Variants in MTUS2 observed in about 807,000 individuals in gnomAD.
MTUS2 encodes microtubule associated scaffold protein 2, also known as microtubule-associated tumor suppressor candidate 2.
Under a neutral mutation model 114.1 loss-of-function variants are expected in MTUS2, and 40 were observed. The observed-to-expected ratio is 0.35, with a 90% confidence interval of 0.27 to 0.46. The LOEUF (loss-of-function observed/expected upper bound fraction) is 0.46, where lower values mean the gene tolerates loss of function less well. Ranked by LOEUF, MTUS2 falls within the 20% of genes least tolerant of loss-of-function variation. The probability of loss-of-function intolerance (pLI) is 1.00; values close to 1 mark genes in which losing one functional copy is unlikely to be tolerated. For synonymous variants in MTUS2, 688 were observed against 672.0 expected (o/e 1.02, Z -0.37); for missense variants, 1,679 against 1,705.4 (o/e 0.98, Z 0.27).
In MTUS2 at chr13:29,387,753, T is replaced by C. The variant is rs1872726274; in HGVS notation, c.3117+28280T>C. On this transcript the variant is annotated intron_variant, in intron 8 of 15. Transcript: ENST00000612955. ...ATGGGGGATGTTTGGGGAAGGTGTT[T>C]AGGGAGACCTTGGCTTCAGATTGCT... 2.0e-5 allele frequency among the ~76,000 whole-genome samples: 3 copies of C among 152,118 alleles called. No individual in the cohort carries two copies. The South Asian group carries it at 6.2e-4, about 32-fold the overall frequency.
chr13:29,501,294 A>C (rs1882886974), intron 15 of MTUS2, 100 bp downstream of exon 15: 1 of 868,590 alleles, frequency 1.2e-6, no homozygotes, highest in Non-Finnish European at 1.9e-6. Context: ...GTCTTTCCCC[A>C]CAGTCTCTTG....
At chr13:29,405,743 C>CT (rs35738274) in intron 8 of MTUS2, among the ~76,000 whole-genome samples, 35,261 of 141,660 alleles carry the variant, frequency 0.25, 4,846 homozygotes, top group African/African-American at 0.31. Flanking sequence ...TAATTAACTA[C>CT]TTTTTTTTTT....
chr13:28,861,805 G>A (rs1052133703), intron 2 of MTUS2, among the ~76,000 whole-genome samples: 16 of 152,148 alleles, frequency 1.1e-4, no homozygotes, highest in African/African-American at 3.9e-4. Flanking sequence ...TGCTCTGGAG[G>A]CGTGAGTGGA....
intron 5 of MTUS2, among the ~76,000 whole-genome samples, chr13:29,256,488 A>G (rs149430856): frequency 4.5e-4 from 68 of 152,342 alleles, no homozygotes; most frequent in African/African-American, 1.5e-3. Context: ...AAGGAGGGCA[A>G]AGCACCACGG....
At chr13:29,213,525 G>T (rs1895543433) in intron 5 of MTUS2, among the ~76,000 whole-genome samples, 2 of 152,122 alleles carry the variant, frequency 1.3e-5, no homozygotes, top group Non-Finnish European at 2.9e-5. Flanking sequence ...GCTCTGTAAG[G>T]TATATAAAGT....
intron 8 of MTUS2, among the ~76,000 whole-genome samples, chr13:29,371,947 A>G (rs1871214894): frequency 1.4e-5 from 2 of 144,350 alleles, no homozygotes; most frequent in African/African-American, 5.0e-5. Context: ...ATTTGCTAAG[A>G]GAGTAGATCT....
chr13:29,337,149 A>T (rs1259203892), intron 7 of MTUS2, among the ~76,000 whole-genome samples: 6 of 151,734 alleles, frequency 4.0e-5, no homozygotes, highest in African/African-American at 1.5e-4. Context: ...CAGGGGGGTG[A>T]ACAGTTCTCT....
At chr13:28,994,978 T>C (rs1285452213) in intron 2 of MTUS2, among the ~76,000 whole-genome samples, 1 of 152,152 alleles carries the variant, frequency 6.6e-6, no homozygotes, top group African/African-American at 2.4e-5. Flanking sequence ...TCCTTGCCCA[T>C]GCCTATGTCC....
intron 2 of MTUS2, among the ~76,000 whole-genome samples, chr13:29,022,021 A>G (rs1409237731): frequency 6.6e-6 from 1 of 152,190 alleles, no homozygotes; most frequent in Admixed American, 6.6e-5. Context: ...TGGAAAGAAC[A>G]GAAGAGCAGT....
At chr13:29,167,873 C>T (rs910553421) in intron 5 of MTUS2, among the ~76,000 whole-genome samples, 23 of 152,140 alleles carry the variant, frequency 1.5e-4, no homozygotes, top group African/African-American at 5.6e-4. Flanking sequence ...AAAGGATACG[C>T]AGATATTGTA....
chr13:28,914,614 G>A (rs899679462), intron 2 of MTUS2, among the ~76,000 whole-genome samples: 1 of 152,060 alleles, frequency 6.6e-6, no homozygotes, highest in Non-Finnish European at 1.5e-5. Flanking sequence ...ACTTGATCTA[G>A]AGTTGAGTTC....
chr13:28,903,850 A>G (rs1455267557), intron 2 of MTUS2, among the ~76,000 whole-genome samples: 1 of 149,634 alleles, frequency 6.7e-6, no homozygotes, highest in Non-Finnish European at 1.5e-5. Context: ...GACTTCCACA[A>G]TGGTTGAACT....
At chr13:28,982,343 A>T (rs1407658369) in intron 2 of MTUS2, among the ~76,000 whole-genome samples, 1 of 128,152 alleles carries the variant, frequency 7.8e-6, no homozygotes, top group African/African-American at 3.5e-5. Context: ...GATGGTTATT[A>T]TTTAAAAAAA....
At chr13:29,266,882 G>T (rs554685102) in intron 5 of MTUS2, among the ~76,000 whole-genome samples, 1 of 152,302 alleles carries the variant, frequency 6.6e-6, no homozygotes, top group Non-Finnish European at 1.5e-5. Flanking sequence ...AATCCTACCT[G>T]CCTGGGGTTT....
intron 4 of MTUS2, among the ~76,000 whole-genome samples, chr13:29,056,242 T>C (rs1173057982): frequency 6.6e-6 from 1 of 152,128 alleles, no homozygotes; most frequent in Non-Finnish European, 1.5e-5. Flanking sequence ...TTAATACATC[T>C]TGAGTTGATT....
At chr13:29,044,460 T>C (rs1887519517) in intron 4 of MTUS2, among the ~76,000 whole-genome samples, 1 of 152,160 alleles carries the variant, frequency 6.6e-6, no homozygotes, top group Non-Finnish European at 1.5e-5. Context: ...GATTTTTGGA[T>C]CTGTTTTATA....
chr13:29,187,378 A>G (rs1894270369), intron 5 of MTUS2, among the ~76,000 whole-genome samples: 1 of 152,182 alleles, frequency 6.6e-6, no homozygotes. Context: ...AATTAAAGAG[A>G]AGACTCAAAT....
intron 2 of MTUS2, among the ~76,000 whole-genome samples, chr13:28,886,635 A>G (rs1260893509): frequency 6.6e-6 from 1 of 152,106 alleles, no homozygotes; most frequent in African/African-American, 2.4e-5. Context: ...CTAAGGGGAA[A>G]TGTGTGTTGC....
intron 1 of MTUS2, among the ~76,000 whole-genome samples, chr13:28,832,779 T>A (rs367722183): frequency 2.3e-4 from 19 of 83,422 alleles, no homozygotes; most frequent in Admixed American, 5.6e-4. Context: ...AACAATAAAA[T>A]CAATAAAAAC....
Sources: gnomAD v4.1 joint callset for allele counts (sites outside exome capture counted in the v4.1 genomes callset) on GRCh38, gnomAD v4.1.1 for gene constraint, MANE v1.5 for transcripts, NCBI Gene and HGNC (gene_info 2026-07-23, HGNC 2026-07-21) for gene names.